The following RAB15 variants were observed in gnomAD, a reference collection of about 807,000 sequenced individuals.
RAB15 encodes ras-related protein Rab-15.
A neutral mutation model predicts 31.8 loss-of-function variants in RAB15; 13 were observed. The ratio of observed to expected loss-of-function variants is 0.41; its 90% CI spans 0.27 to 0.65. The LOEUF (loss-of-function observed/expected upper bound fraction) is 0.65, where lower values mean the gene tolerates loss of function less well. Among genes scored for constraint, RAB15 ranks in the 30% least tolerant of loss-of-function variants. RAB15 has a pLI of 0.32. For synonymous variants in RAB15, 100 were observed against 105.6 expected (o/e 0.95, Z 0.33); for missense variants, 220 against 277.3 (o/e 0.79, Z 1.47).
Position 64,972,122 on chromosome 14 carries a change from A to T in RAB15, c.-46T>A. On this transcript the variant is annotated 5_prime_UTR_variant, in exon 1 of 7. An upstream open reading frame in the 5' UTR loses its in-frame stop. Coordinates refer to ENST00000533601, the MANE Select transcript of RAB15 (RefSeq NM_001308154.2). This position sits in a 1 kb window ranked among gnomAD's most constrained non-coding sequence, Gnocchi z 6.3. Reference sequence around the variant, plus strand: ...GGAACTGCGGGCGGGCAGCGGGCTCAGCCCTGCTCCGCCGCTGCCATCGCG... The same window carrying T: ...GGAACTGCGGGCGGGCAGCGGGCTCTGCCCTGCTCCGCCGCTGCCATCGCG... 7.4e-7 allele frequency: 1 copy of T among 1,349,662 alleles called. No individual in the cohort carries two copies. The highest frequency in any genetic ancestry group is 3.0e-5 in the East Asian group (1 of 33,390). 83.6% of individuals were successfully genotyped at this position (1,349,662 alleles called of 1,614,324 possible). A position where few individuals can be genotyped will look rare whatever the true frequency, so the allele number is the denominator to read the frequency against.
Position 64,955,134 on chromosome 14 carries a change from C to G in RAB15, c.125-2563G>C, listed in dbSNP as rs561882689. On this transcript the variant is annotated intron_variant, in intron 1 of 6. Transcript: ENST00000533601. This position sits in a 1 kb window ranked among gnomAD's most constrained non-coding sequence, Gnocchi z 4.4. ...TTGCAACCTAGGTCTCACTGGCCACCTGGGAACATGTGTTTTATTCACCTT... is the reference window on the plus strand; with the variant it reads ...TTGCAACCTAGGTCTCACTGGCCACGTGGGAACATGTGTTTTATTCACCTT... 6.6e-5 allele frequency among the ~76,000 whole-genome samples: 10 copies of G among 152,282 alleles called. No individual in the cohort carries two copies. In the South Asian group the frequency reaches 1.9e-3, roughly 28 times the overall value.
At position 64,971,804 on chromosome 14, in the gene RAB15, T is replaced by A. The variant is rs1170280687; in HGVS notation, c.124+149A>T. On this transcript the variant is annotated intron_variant, in intron 1 of 6. Transcript: ENST00000533601. This position sits in a 1 kb window ranked among gnomAD's most constrained non-coding sequence, Gnocchi z 4.1. ...CACCCTCACCTGCCAAAACCTATGC[T>A]CACCCCGAGATTTATCCCGGACTCC... 2 of 743,852 alleles carry A rather than the reference T, an allele frequency of 2.7e-6. No homozygotes were observed. Among genetic ancestry groups the A allele is most frequent in the Non-Finnish European group, 4.3e-6 (2 of 463,268 alleles). 46.1% of individuals were successfully genotyped at this position (743,852 alleles called of 1,614,324 possible).
chr14:64,969,451 C>G (rs1242759723), intron 1 of RAB15, among the ~76,000 whole-genome samples: 1 of 152,178 alleles, frequency 6.6e-6, no homozygotes, highest in African/African-American at 2.4e-5. Flanking sequence ...TCCCAAGTCC[C>G]TTAATAAGCT....
chr14:64,972,091 G>A lies in RAB15; in HGVS notation c.-15C>T. Reference sequence around the variant, plus strand: ...TGCTTCGCCATGACTGGGGCCAGCGGGGCCGGGAACTGCGGGCGGGCAGCG... The same window carrying A: ...TGCTTCGCCATGACTGGGGCCAGCGAGGCCGGGAACTGCGGGCGGGCAGCG... On this transcript the variant is annotated 5_prime_UTR_variant, in exon 1 of 7. Coordinates refer to ENST00000533601, the MANE Select transcript of RAB15 (RefSeq NM_001308154.2). This position sits in a 1 kb window ranked among gnomAD's most constrained non-coding sequence, Gnocchi z 6.3. 6.3e-7 allele frequency: 1 copy of A among 1,589,650 alleles called. No homozygotes were observed. The highest frequency in any genetic ancestry group is 1.7e-5 in the Admixed American group (1 of 58,350).
rs540517895 is a variant in RAB15, at chr14:64,950,890, G to C, written c.324+184C>G. 8.2e-7 allele frequency: 1 copy of C among 1,225,686 alleles called. No individual in the cohort carries two copies. Among genetic ancestry groups the C allele is most frequent in the African/African-American group, 1.5e-5 (1 of 66,978 alleles). 75.9% of individuals were successfully genotyped at this position (1,225,686 alleles called of 1,614,324 possible). A position where few individuals can be genotyped will look rare whatever the true frequency, so the allele number is the denominator to read the frequency against. ...GACACAGCCGTGGAGGCCTGGCAGG[G>C]TATAGAGAGTGAGGGCATGGCAGCT... On this transcript the variant is annotated intron_variant, in intron 4 of 6. Transcript: ENST00000533601. The surrounding 1 kb of genome is among the most constrained non-coding windows in gnomAD (Gnocchi z 5.6).
Position 64,954,274 on chromosome 14 carries a change from T to A in RAB15, c.125-1703A>T, listed in dbSNP as rs1390549962. 2.0e-6 allele frequency: 2 copies of A among 985,252 alleles called. No homozygotes were observed. Among genetic ancestry groups the A allele is most frequent in the Non-Finnish European group, 2.4e-6 (2 of 829,918 alleles). The allele number at this position is 985,252 out of a possible 1,614,324, so 61.0% of individuals were successfully genotyped here. ...GAGGAAGGGAGGAAGGAGAGAAGCA[T>A]CAGGCCTTGGGAAGCAGGAGTATGC... On this transcript the variant is annotated intron_variant, in intron 1 of 6. Coordinates refer to ENST00000533601, the MANE Select transcript of RAB15 (RefSeq NM_001308154.2). The surrounding 1 kb of genome is among the most constrained non-coding windows in gnomAD (Gnocchi z 4.3).
Position 64,958,548 on chromosome 14 carries a change from CCTAA to C in RAB15, c.125-5981_125-5978del, listed in dbSNP as rs1214750895. ...AAGGCATTTTGTTACAGCAGCCAGC[CCTAA>C]CTAAGACACCCACCATAGCCTATTT... is the stretch of plus-strand genomic sequence containing the variant. On this transcript the variant is annotated intron_variant, in intron 1 of 6. Coordinates refer to ENST00000533601, the MANE Select transcript of RAB15 (RefSeq NM_001308154.2). The surrounding 1 kb of genome is among the most constrained non-coding windows in gnomAD (Gnocchi z 4.4). 6.6e-6 allele frequency among the ~76,000 whole-genome samples: 1 copy of C among 152,184 alleles called. No homozygotes were observed. The highest frequency in any genetic ancestry group is 1.5e-5 in the Non-Finnish European group (1 of 68,038).
rs762143613 is a variant in RAB15 at position 64,951,051 on chromosome 14, G to A, written c.324+23C>T. 42 of 1,613,108 alleles carry A rather than the reference G, an allele frequency of 2.6e-5. No homozygotes were observed. Among genetic ancestry groups the A allele is most frequent in the Non-Finnish European group, 3.4e-5 (40 of 1,179,892 alleles). ...CGGTGAGGCACCCTCTCCACACCCC[G>A]GCAGTGAGGTGGCATCTCCTACCTC... On this transcript the variant is annotated intron_variant, in intron 4 of 6. Transcript: ENST00000533601. The surrounding 1 kb of genome is among the most constrained non-coding windows in gnomAD (Gnocchi z 7.2).
In RAB15 at chr14:64,953,843, T is replaced by C; in HGVS notation, c.125-1272A>G. On this transcript the variant is annotated intron_variant, in intron 1 of 6. Coordinates refer to ENST00000533601, the MANE Select transcript of RAB15 (RefSeq NM_001308154.2). The surrounding 1 kb of genome is among the most constrained non-coding windows in gnomAD (Gnocchi z 4.6). ...GAGTGGGCATGATCAGCCACAGTTTTCAGATGGGAACATGGTAGAGTTCCG... is the reference window on the plus strand; with the variant it reads ...GAGTGGGCATGATCAGCCACAGTTTCCAGATGGGAACATGGTAGAGTTCCG... The C allele has an allele frequency of 4.1e-6, 4 of 985,396 alleles. No homozygotes were observed. The highest frequency in any genetic ancestry group is 4.8e-6 in the Non-Finnish European group (4 of 829,926). The allele number at this position is 985,396 out of a possible 1,614,324, so 61.0% of individuals were successfully genotyped here. A position where few individuals can be genotyped will look rare whatever the true frequency, so the allele number is the denominator to read the frequency against.
At chr14:64,963,381 G>C (rs1423200176) in intron 1 of RAB15, among the ~76,000 whole-genome samples, 1 of 151,948 alleles carries the variant, frequency 6.6e-6, no homozygotes, top group African/African-American at 2.4e-5. Context: ...GACCTCCCTA[G>C]AGCCTTGGTG....
rs1885956141 is a variant in RAB15, at chr14:64,946,959, C to T, written c.*1395G>A. Reference sequence around the variant, plus strand: ...GCACTCTGGAGGAAGGAGTCCTCTTCCCTCCACCTGTAGCCACAGTGTGGT... The same window carrying T: ...GCACTCTGGAGGAAGGAGTCCTCTTTCCTCCACCTGTAGCCACAGTGTGGT... On this transcript the variant is annotated 3_prime_UTR_variant, in exon 7 of 7. Coordinates refer to ENST00000533601, the MANE Select transcript of RAB15 (RefSeq NM_001308154.2). The T allele has an allele frequency of 6.6e-6, 1 of 152,660 alleles. No individual in the cohort carries two copies. Among genetic ancestry groups the T allele is most frequent in the Admixed American group, 6.5e-5 (1 of 15,284 alleles). The allele number at this position is 152,660 out of a possible 1,614,324, so 9.5% of individuals were successfully genotyped here.
rs1000949489 is a variant in RAB15, at chr14:64,970,211, C to CA, written c.124+1741dup. 2.0e-5 allele frequency among the ~76,000 whole-genome samples: 3 copies of CA among 152,182 alleles called. No individual in the cohort carries two copies. The highest frequency in any genetic ancestry group is 7.2e-5 in the African/African-American group (3 of 41,438). On this transcript the variant is annotated intron_variant, in intron 1 of 6. Coordinates refer to ENST00000533601, the MANE Select transcript of RAB15 (RefSeq NM_001308154.2). The surrounding 1 kb of genome is among the most constrained non-coding windows in gnomAD (Gnocchi z 4.1). The stretch of plus-strand genomic sequence containing the variant: ...GTAGTTCCAAGCACCAGGCCTCTCC[C>CA]AAAAATAGCCACTCCTAGTTTCCTT...
In RAB15 at chr14:64,953,483, T is replaced by G. The variant is rs1886376752; in HGVS notation, c.125-912A>C. On this transcript the variant is annotated intron_variant, in intron 1 of 6. Coordinates refer to ENST00000533601, the MANE Select transcript of RAB15 (RefSeq NM_001308154.2). The surrounding 1 kb of genome is among the most constrained non-coding windows in gnomAD (Gnocchi z 4.6). ...AGAGGCAGTGGCATGGCATGGCATGTCACTGCGGGAGGGAAAGGAAGCAAA... is the reference window on the plus strand; with the variant it reads ...AGAGGCAGTGGCATGGCATGGCATGGCACTGCGGGAGGGAAAGGAAGCAAA... 6.6e-6 allele frequency among the ~76,000 whole-genome samples: 1 copy of G among 152,112 alleles called. No homozygotes were observed. Among genetic ancestry groups the G allele is most frequent in the East Asian group, 1.9e-4 (1 of 5,192 alleles).
At position 64,948,068 on chromosome 14, in the gene RAB15, C is replaced by T. The variant is rs1043918415; in HGVS notation, c.*286G>A. ...AGCCCTGGCTGTTGTCTGGTGGGTG[C>T]GGGATGGTGAGACAGTGCTTGCGGC... is the stretch of plus-strand genomic sequence containing the variant. On this transcript the variant is annotated 3_prime_UTR_variant, in exon 7 of 7. Coordinates refer to ENST00000533601, the MANE Select transcript of RAB15 (RefSeq NM_001308154.2). The surrounding 1 kb of genome is among the most constrained non-coding windows in gnomAD (Gnocchi z 7.0). 4 of 370,236 alleles carry T rather than the reference C, an allele frequency of 1.1e-5. No individual in the cohort carries two copies. The highest frequency in any genetic ancestry group is 9.1e-5 in the Admixed American group (2 of 21,954). The allele number at this position is 370,236 out of a possible 1,614,324, so 22.9% of individuals were successfully genotyped here. A position where few individuals can be genotyped will look rare whatever the true frequency, so the allele number is the denominator to read the frequency against.
At position 64,951,060 on chromosome 14, in the gene RAB15, G is replaced by C. The variant is rs1594934401; in HGVS notation, c.324+14C>G. 6.2e-7 allele frequency: 1 copy of C among 1,613,176 alleles called. No individual in the cohort carries two copies. Among genetic ancestry groups the C allele is most frequent in the African/African-American group, 1.3e-5 (1 of 75,034 alleles). ...ACCCTCTCCACACCCCGGCAGTGAG[G>C]TGGCATCTCCTACCTCATCCACGTC... On this transcript the variant is annotated intron_variant, in intron 4 of 6. Transcript: ENST00000533601. This position sits in a 1 kb window ranked among gnomAD's most constrained non-coding sequence, Gnocchi z 7.2.
In RAB15 at chr14:64,954,982, C is replaced by T. The variant is rs374092202; in HGVS notation, c.125-2411G>A. On this transcript the variant is annotated intron_variant, in intron 1 of 6. Coordinates refer to ENST00000533601, the MANE Select transcript of RAB15 (RefSeq NM_001308154.2). The surrounding 1 kb of genome is among the most constrained non-coding windows in gnomAD (Gnocchi z 4.3). Reference sequence around the variant, plus strand: ...CTGACAAGGAGACAGGGTACTCCACCGGAAGTGAGGCTGGGCAGTGACTCC... The same window carrying T: ...CTGACAAGGAGACAGGGTACTCCACTGGAAGTGAGGCTGGGCAGTGACTCC... Among the ~76,000 whole-genome samples, 1 of 152,034 alleles carries T rather than the reference C, an allele frequency of 6.6e-6. No homozygotes were observed. The highest frequency in any genetic ancestry group is 2.4e-5 in the African/African-American group (1 of 41,388).
In RAB15 at chr14:64,954,139, T is replaced by C. The variant is rs1594938594; in HGVS notation, c.125-1568A>G. 1.0e-6 allele frequency: 1 copy of C among 985,460 alleles called. No individual in the cohort carries two copies. The highest frequency in any genetic ancestry group is 1.2e-6 in the Non-Finnish European group (1 of 829,922). The allele number at this position is 985,460 out of a possible 1,614,324, so 61.0% of individuals were successfully genotyped here. On this transcript the variant is annotated intron_variant, in intron 1 of 6. Transcript: ENST00000533601. This position sits in a 1 kb window ranked among gnomAD's most constrained non-coding sequence, Gnocchi z 4.3. The stretch of plus-strand genomic sequence containing the variant: ...AATCGATTTGGTCAGACGTGAATCA[T>C]TTCTCGCCTGCCCAAGCTGATTCAT...
In RAB15 at chr14:64,962,105, C is replaced by G. The variant is rs1486496382; in HGVS notation, c.125-9534G>C. On this transcript the variant is annotated intron_variant, in intron 1 of 6. Transcript: ENST00000533601. The surrounding 1 kb of genome is among the most constrained non-coding windows in gnomAD (Gnocchi z 4.2). ...TGGCAGGCTCCTGGAATCCCAGCTACTCGGGAGGCTGAGGCATGAGAATCG... is the reference window on the plus strand; with the variant it reads ...TGGCAGGCTCCTGGAATCCCAGCTAGTCGGGAGGCTGAGGCATGAGAATCG... Among the ~76,000 whole-genome samples the G allele has an allele frequency of 6.6e-6, 1 of 151,974 alleles. No individual in the cohort carries two copies. Among genetic ancestry groups the G allele is most frequent in the African/African-American group, 2.4e-5 (1 of 41,370 alleles).
intron 1 of RAB15, among the ~76,000 whole-genome samples, chr14:64,969,969 A>G (rs1483890152): frequency 1.3e-5 from 2 of 152,168 alleles, no homozygotes; most frequent in African/African-American, 4.8e-5. Flanking sequence ...GCCCTCAAAA[A>G]GGAGGGTATG....
Sources: allele counts gnomAD v4.1 joint callset (sites outside exome capture counted in the v4.1 genomes callset), GRCh38; gene constraint gnomAD v4.1.1; non-coding constraint Gnocchi (gnomAD v3.1); transcripts MANE v1.5; gene names NCBI Gene and HGNC (gene_info 2026-07-23, HGNC 2026-07-21).